The following CHODL variants were observed in gnomAD, a reference collection of about 807,000 sequenced individuals.
CHODL encodes transmembrane protein MT75.
CHODL carries 29 observed loss-of-function variants against 34.5 expected under a neutral mutation model. The observed-to-expected ratio is 0.84, with a 90% CI of 0.63 to 1.15. The LOEUF (loss-of-function observed/expected upper bound fraction) is 1.15, where lower values mean the gene tolerates loss of function less well. CHODL is among the 50% of genes most tolerant of loss of function. The pLI is 0.00. For synonymous variants in CHODL, 125 were observed against 116.1 expected, an observed-to-expected ratio of 1.08 and a Z score of -0.49; for missense variants, 332 against 332.5, an observed-to-expected ratio of 1.00 and a Z score of 0.01.
chr21:18,118,407 T>C (rs1273613735), intron 2 of CHODL, among the ~76,000 whole-genome samples: 1 of 152,084 alleles, frequency 6.6e-6, no homozygotes, highest in Non-Finnish European at 1.5e-5. Context: ...CTAATTAACA[T>C]CCTCAAACAC....
Position 17,988,430 on chromosome 21 carries a change from G to A in CHODL, c.-144-39442G>A, listed in dbSNP as rs868563398. On this transcript the variant is annotated intron_variant, in intron 1 of 6. Transcript: ENST00000400127. ...ATTATTATTATACTTTAAGTTTTAG[G>A]GTACATGTGCACAATGTGCAGGTTA... 6.0e-4 allele frequency among the ~76,000 whole-genome samples: 80 copies of A among 132,286 alleles called. 1 individual carries two copies. In the Middle Eastern group the frequency reaches 0.015, roughly 25 times the overall value. The allele number at this position is 132,286 out of a possible 152,430, so 86.8% of individuals were successfully genotyped here.
At chr21:18,256,393 G>T in intron 1 of CHODL, 116 bp from the exon 2 acceptor site, 5 of 1,001,440 alleles carry the variant, frequency 5.0e-6, no homozygotes, top group Non-Finnish European at 7.2e-6. Context: ...TTCAGTGGGA[G>T]AAGCATTTCT....
rs2063874001 is a variant in CHODL, at chr21:17,998,553, TG to T, written c.-144-29318del. 8.5e-5 allele frequency among the ~76,000 whole-genome samples: 13 copies of T among 152,310 alleles called. No homozygotes were observed. The South Asian group carries it at 2.7e-3, about 32-fold the overall frequency. The stretch of plus-strand genomic sequence containing the variant: ...GGGCTCTGCCCCTGCAGCAAACTTT[TG>T]CCTGGGCATCCAGGCATTTCCATAC... On this transcript the variant is annotated intron_variant, in intron 1 of 6. Coordinates refer to the CHODL transcript ENST00000400127.
At chr21:18,011,410 C>T (rs1276603845) in intron 1 of CHODL, among the ~76,000 whole-genome samples, 1 of 152,102 alleles carries the variant, frequency 6.6e-6, no homozygotes, top group Non-Finnish European at 1.5e-5. Flanking sequence ...AAAGCAAAAT[C>T]TGAAGCTTGG....
chr21:18,261,159 T>C (rs2074377708), intron 4 of CHODL, among the ~76,000 whole-genome samples: 1 of 152,180 alleles, frequency 6.6e-6, no homozygotes, highest in Non-Finnish European at 1.5e-5. Context: ...ATTATTCAGA[T>C]TAGTCATGAT....
At chr21:18,169,169 T>G (rs2073195274) in intron 2 of CHODL, among the ~76,000 whole-genome samples, 1 of 152,118 alleles carries the variant, frequency 6.6e-6, no homozygotes, top group African/African-American at 2.4e-5. Context: ...TGTAAAAAAT[T>G]TTTTGATTAC....
intron 2 of CHODL, among the ~76,000 whole-genome samples, chr21:18,032,464 C>T (rs1046418998): frequency 1.3e-5 from 2 of 151,976 alleles, no homozygotes; most frequent in South Asian, 4.1e-4. Flanking sequence ...ACTAGGGAGT[C>T]ATTGGAGATT....
At chr21:18,128,534 C>G (rs907746498) in intron 2 of CHODL, among the ~76,000 whole-genome samples, 8 of 151,716 alleles carry the variant, frequency 5.3e-5, no homozygotes, top group Non-Finnish European at 8.8e-5. Context: ...TTATGAAAAT[C>G]CAAAGAAAGT....
intron 2 of CHODL, among the ~76,000 whole-genome samples, chr21:18,223,962 G>A (rs1375932807): frequency 6.6e-6 from 1 of 152,184 alleles, no homozygotes; most frequent in East Asian, 1.9e-4. Context: ...GATAGAGTAA[G>A]AGAATACTAG....
rs1448352228 is a variant in CHODL at position 18,225,663 on chromosome 21, T to C, written c.-44-30846T>C. Among the ~76,000 whole-genome samples, 3 of 151,994 alleles carry C rather than the reference T, an allele frequency of 2.0e-5. No homozygotes were observed. In the East Asian group the frequency reaches 5.8e-4, roughly 29 times the overall value. Reference sequence around the variant, plus strand: ...TATTATTTTAGTAAAAAATAATGGGTAAGGAGAGAGAATACATATTTATTT... The same window carrying C: ...TATTATTTTAGTAAAAAATAATGGGCAAGGAGAGAGAATACATATTTATTT... On this transcript the variant is annotated intron_variant, in intron 2 of 6. Transcript: ENST00000400127.
intron 1 of CHODL, among the ~76,000 whole-genome samples, chr21:17,940,345 T>G (rs2063352794): frequency 6.6e-6 from 1 of 152,196 alleles, no homozygotes; most frequent in Non-Finnish European, 1.5e-5. Flanking sequence ...TGAGCTATAT[T>G]CATACAAAGA....
intron 2 of CHODL, among the ~76,000 whole-genome samples, chr21:18,083,203 G>T (rs2064963198): frequency 6.6e-6 from 1 of 152,298 alleles, no homozygotes; most frequent in South Asian, 2.1e-4. Context: ...GCTTCAGAGG[G>T]TGCAAGCCCC....
chr21:18,082,016 G>T (rs1041009487), intron 2 of CHODL, among the ~76,000 whole-genome samples: 1 of 152,140 alleles, frequency 6.6e-6, no homozygotes, highest in Admixed American at 6.5e-5. Context: ...ACCTGATCCT[G>T]GTGATATGTT....
chr21:18,048,773 A>G (rs536915485), intron 2 of CHODL, among the ~76,000 whole-genome samples: 79 of 152,020 alleles, frequency 5.2e-4, no homozygotes, highest in African/African-American at 1.8e-3. Context: ...TCTATTTTGC[A>G]TTTACAGTTG....
At chr21:18,094,605 AG>A (rs985554400) in intron 2 of CHODL, among the ~76,000 whole-genome samples, 110 of 152,242 alleles carry the variant, frequency 7.2e-4, no homozygotes, top group African/African-American at 2.6e-3. Flanking sequence ...CTGAATAACC[AG>A]GGGGTCAATG....
chr21:18,245,338 G>T, intron 1 of CHODL, 36 bp downstream of exon 1: 1 of 1,481,356 alleles, frequency 6.8e-7, no homozygotes, highest in South Asian at 1.3e-5. Context: ...GAACGAGCGG[G>T]GAGAGGGGAC....
intron 2 of CHODL, among the ~76,000 whole-genome samples, chr21:18,061,333 A>C (rs2064662187): frequency 6.6e-6 from 1 of 152,242 alleles, no homozygotes; most frequent in Non-Finnish European, 1.5e-5. Flanking sequence ...GACAGGAAAT[A>C]CTAGCTGTAC....
chr21:18,110,509 T>A (rs1448887756), intron 2 of CHODL, among the ~76,000 whole-genome samples: 1 of 152,046 alleles, frequency 6.6e-6, no homozygotes, highest in Non-Finnish European at 1.5e-5. Context: ...AAGGAAGCCA[T>A]TTGGAGAGAG....
intron 1 of CHODL, among the ~76,000 whole-genome samples, chr21:17,957,151 C>T (rs148334893): frequency 4.8e-4 from 73 of 152,276 alleles, no homozygotes; most frequent in African/African-American, 1.6e-3. Flanking sequence ...CTAACTCTAT[C>T]TAATCAATCA....
Sources: allele counts gnomAD v4.1 joint callset (sites outside exome capture counted in the v4.1 genomes callset), GRCh38; gene constraint gnomAD v4.1.1; transcripts MANE v1.5; gene names NCBI Gene and HGNC (gene_info 2026-07-23, HGNC 2026-07-21).